The following PALLD variants were observed in gnomAD, a reference collection of about 807,000 sequenced individuals.
PALLD encodes the protein palladin.
A neutral mutation model predicts 123.5 loss-of-function variants in PALLD; 61 were observed. That is an observed-to-expected ratio of 0.49 (90% CI 0.40 to 0.61). The LOEUF is 0.61. PALLD is among the 20% of genes least tolerant of loss of function. The pLI is 0.00. For missense variants in PALLD, 1,273 were observed against 1,377.0 expected (o/e 0.92, Z 1.20); for synonymous variants, 465 against 496.4 (o/e 0.94, Z 0.84).
chr4:168,877,811 G>T, intron 10 of PALLD: 2 of 1,253,496 alleles, frequency 1.6e-6, no homozygotes, highest in Non-Finnish European at 2.0e-6. Context: ...CCCGCGCAGC[G>T]CGCCGCCCTC....
At chr4:168,575,365 G>T (rs1194460572) in intron 2 of PALLD, among the ~76,000 whole-genome samples, 1 of 151,932 alleles carries the variant, frequency 6.6e-6, no homozygotes, top group Non-Finnish European at 1.5e-5. Context: ...CATGGCAGCA[G>T]GTGAGAGAGT....
At chr4:168,791,298 C>A (rs1041409787) in intron 10 of PALLD, among the ~76,000 whole-genome samples, 9 of 152,244 alleles carry the variant, frequency 5.9e-5, no homozygotes, top group Admixed American at 2.6e-4. Context: ...AAGTCAATCT[C>A]TAGTTTCCCC....
At chr4:168,862,826 T>C (rs1749689599) in intron 10 of PALLD, among the ~76,000 whole-genome samples, 2 of 152,196 alleles carry the variant, frequency 1.3e-5, no homozygotes, top group Non-Finnish European at 2.9e-5. Flanking sequence ...GGAAAGCATA[T>C]ACATGAAGTG....
chr4:168,817,436 A>T (rs1405564423), intron 10 of PALLD, among the ~76,000 whole-genome samples: 1 of 152,200 alleles, frequency 6.6e-6, no homozygotes, highest in Non-Finnish European at 1.5e-5. Context: ...ACCTCTTAAC[A>T]AGCCAGTTAA....
chr4:168,547,137 T>C (rs369322245), intron 2 of PALLD, among the ~76,000 whole-genome samples: 7 of 152,120 alleles, frequency 4.6e-5, no homozygotes, highest in African/African-American at 1.7e-4. Context: ...CAAGGGGTTA[T>C]AAGGAGCCGT....
At chr4:168,655,900 G>A (rs1477779633) in intron 2 of PALLD, among the ~76,000 whole-genome samples, 2 of 152,182 alleles carry the variant, frequency 1.3e-5, no homozygotes, top group African/African-American at 2.4e-5. Context: ...CTAGGAGTCC[G>A]TACATGAACT....
At chr4:168,794,453 G>A (rs6823610) in intron 10 of PALLD, among the ~76,000 whole-genome samples, 55,041 of 105,170 alleles carry the variant, frequency 0.52, 10,611 homozygotes, top group East Asian at 0.64. Context: ...AGACATACGC[G>A]CAGCGCACAG....
chr4:168,811,024 C>T (rs138446693), intron 10 of PALLD, among the ~76,000 whole-genome samples: 30 of 152,128 alleles, frequency 2.0e-4, no homozygotes, highest in African/African-American at 6.0e-4. Flanking sequence ...GGTAAGCTGA[C>T]GGAGATCTCC....
intron 2 of PALLD, among the ~76,000 whole-genome samples, chr4:168,541,734 T>G (rs1308167317): frequency 6.6e-6 from 1 of 152,204 alleles, no homozygotes; most frequent in Middle Eastern, 3.2e-3. Context: ...ATTACAAGCA[T>G]GAGTCACCAT....
chr4:168,727,420 T>G (rs1172885522), intron 10 of PALLD, among the ~76,000 whole-genome samples: 1 of 152,218 alleles, frequency 6.6e-6, no homozygotes, highest in Non-Finnish European at 1.5e-5. Context: ...GTAGCTGATG[T>G]GACATGGTAT....
At chr4:168,902,916 C>G (rs1756855712) in intron 14 of PALLD, among the ~76,000 whole-genome samples, 1 of 152,072 alleles carries the variant, frequency 6.6e-6, no homozygotes, top group South Asian at 2.1e-4. Context: ...GGGCTATAGA[C>G]ATGCACCACC....
chr4:168,925,210 TC>T (rs1762341461), intron 20 of PALLD, 22 bp from the exon 21 acceptor site: 5 of 111,186 alleles, frequency 4.5e-5, no homozygotes, highest in Non-Finnish European at 6.8e-5. Flanking sequence ...TTCATATTGC[TC>T]TCTCTCTCTT....
At chr4:168,745,477 T>A in intron 10 of PALLD, among the ~76,000 whole-genome samples, 1 of 152,136 alleles carries the variant, frequency 6.6e-6, no homozygotes, top group Non-Finnish European at 1.5e-5. Flanking sequence ...TGTAACACTT[T>A]TTTTTTTCCT....
intron 2 of PALLD, among the ~76,000 whole-genome samples, chr4:168,622,303 C>A (rs1391184944): frequency 6.6e-6 from 1 of 152,170 alleles, no homozygotes; most frequent in Non-Finnish European, 1.5e-5. Flanking sequence ...CACGAGGGTG[C>A]TTTTCTTTGC....
chr4:168,747,424 A>G (rs1447455499), intron 10 of PALLD, among the ~76,000 whole-genome samples: 2 of 152,272 alleles, frequency 1.3e-5, no homozygotes, highest in African/African-American at 4.8e-5. Context: ...CAGGATATGT[A>G]GCCTAGTTCC....
At chr4:168,593,791 C>T (rs1248536013) in intron 2 of PALLD, among the ~76,000 whole-genome samples, 1 of 152,072 alleles carries the variant, frequency 6.6e-6, no homozygotes, top group Non-Finnish European at 1.5e-5. Flanking sequence ...CATGTAAGTC[C>T]CAACAACTTG....
intron 2 of PALLD, among the ~76,000 whole-genome samples, chr4:168,540,484 G>A (rs1030306987): frequency 3.9e-5 from 6 of 152,042 alleles, no homozygotes; most frequent in African/African-American, 1.5e-4. Context: ...ACTCTGAAAC[G>A]GGTTTTAGGA....
At chr4:168,663,235 A>G (rs960838378) in intron 2 of PALLD, among the ~76,000 whole-genome samples, 31 of 152,190 alleles carry the variant, frequency 2.0e-4, no homozygotes, top group African/African-American at 7.5e-4. Flanking sequence ...TTTGTTATTC[A>G]TAGTTCCCAA....
intron 2 of PALLD, among the ~76,000 whole-genome samples, chr4:168,551,082 C>A (rs960520419): frequency 1.3e-5 from 2 of 152,044 alleles, no homozygotes; most frequent in African/African-American, 2.4e-5. Context: ...TTTTTATACC[C>A]CTGAAAGACT....
Sources: gnomAD v4.1 joint callset for allele counts (sites outside exome capture counted in the v4.1 genomes callset) on GRCh38, gnomAD v4.1.1 for gene constraint, MANE v1.5 for transcripts, NCBI Gene and HGNC (gene_info 2026-07-23, HGNC 2026-07-21) for gene names.